Variants in PDE4B observed in about 807,000 individuals in gnomAD.
PDE4B encodes 3',5'-cyclic-AMP phosphodiesterase 4B.
PDE4B carries 20 observed loss-of-function variants against 82.2 expected under a neutral mutation model. The observed-to-expected ratio is 0.24, with a 90% CI of 0.17 to 0.35. The LOEUF is 0.35. PDE4B is among the 10% of genes least tolerant of loss of function. The pLI, the probability that PDE4B is intolerant of heterozygous loss-of-function variation, is 1.00. For missense variants in PDE4B, 655 were observed against 907.2 expected, an observed-to-expected ratio of 0.72 and a Z score of 3.57; for synonymous variants, 320 against 318.9, an observed-to-expected ratio of 1.00 and a Z score of -0.04.
Position 66,363,102 on chromosome 1 carries a change from TAA to T in PDE4B, c.1021-60_1021-59del, listed in dbSNP as rs1041238086. Reference sequence around the variant, plus strand: ...AACAGCCAATGTCCAAAAAATAAATTAAAAAAATGAGGCATGTTAGCACAACT... The same window carrying T: ...AACAGCCAATGTCCAAAAAATAAATTAAAAATGAGGCATGTTAGCACAACT... On this transcript the variant is annotated intron_variant, in intron 10 of 16. Coordinates refer to ENST00000341517, the MANE Select transcript of PDE4B (RefSeq NM_002600.4). 3.7e-6 allele frequency: 4 copies of T among 1,093,046 alleles called. No individual in the cohort carries two copies. In the South Asian group the frequency reaches 5.3e-5, roughly 15 times the overall value. The allele number at this position is 1,093,046 out of a possible 1,614,324, so 67.7% of individuals were successfully genotyped here. A position where few individuals can be genotyped will look rare whatever the true frequency, so the allele number is the denominator to read the frequency against.
chr1:65,890,475 G>T (rs531621477), intron 1 of PDE4B, among the ~76,000 whole-genome samples: 2 of 152,198 alleles, frequency 1.3e-5, no homozygotes, highest in South Asian at 4.1e-4. Context: ...GTGGTAACTT[G>T]AATATCCAGA....
intron 8 of PDE4B, among the ~76,000 whole-genome samples, chr1:66,333,414 A>T (rs985921119): frequency 6.6e-6 from 1 of 152,232 alleles, no homozygotes; most frequent in Admixed American, 6.5e-5. Flanking sequence ...CTTGGAGAAT[A>T]TTATATTAAA....
At chr1:66,243,213 A>G (rs542827966) in intron 3 of PDE4B, among the ~76,000 whole-genome samples, 1 of 152,354 alleles carries the variant, frequency 6.6e-6, no homozygotes, top group Non-Finnish European at 1.5e-5. Flanking sequence ...ATCTCTGTAG[A>G]TTCATTTAAA....
chr1:66,083,531 A>C (rs6671380), intron 3 of PDE4B, among the ~76,000 whole-genome samples: 114,144 of 151,918 alleles, frequency 0.75, 43,770 homozygotes, highest in Non-Finnish European at 0.84. Flanking sequence ...ACCTTATTAT[A>C]CTGATTTACA....
intron 3 of PDE4B, among the ~76,000 whole-genome samples, chr1:65,924,790 C>A (rs1471565237): frequency 1.3e-5 from 2 of 152,182 alleles, no homozygotes; most frequent in Non-Finnish European, 2.9e-5. Flanking sequence ...CAGTTCCTTG[C>A]CATGTGGGTC....
At position 65,918,652 on chromosome 1, in the gene PDE4B, A is replaced by G; in HGVS notation, c.98A>G (p.Asn33Ser). 1 of 1,613,732 alleles carries G rather than the reference A, an allele frequency of 6.2e-7. No homozygotes were observed. The highest frequency in any genetic ancestry group is 2.2e-5 in the East Asian group (1 of 44,880). Reference protein sequence around the residue: ...SLSKSYSSSSNTLGIDLWRGR... With the variant: ...SLSKSYSSSSSTLGIDLWRGR... ...AGTAAATCCTACAGTTCTTCCAGTA[A>G]CACACTTGGGATCGACCTCTGGAGA... The change falls in exon 3 of 17, where the codon AAC becomes AGC. Residue 33 changes from asparagine to serine, a missense_variant. Coordinates refer to ENST00000341517, the MANE Select transcript of PDE4B (RefSeq NM_002600.4).
intron 3 of PDE4B, among the ~76,000 whole-genome samples, chr1:66,122,448 T>G (rs1183924500): frequency 6.6e-6 from 1 of 152,208 alleles, no homozygotes; most frequent in Admixed American, 6.5e-5. Flanking sequence ...TTAAAAAGAT[T>G]TTTTGTTATT....
At chr1:65,841,883 A>G (rs1571002367) in intron 1 of PDE4B, among the ~76,000 whole-genome samples, 1 of 152,172 alleles carries the variant, frequency 6.6e-6, no homozygotes, top group African/African-American at 2.4e-5. Flanking sequence ...GAATAATTAA[A>G]CCGTCAAGCA....
chr1:65,955,790 G>C (rs7539615), intron 3 of PDE4B, among the ~76,000 whole-genome samples: 3 of 152,058 alleles, frequency 2.0e-5, no homozygotes, highest in Non-Finnish European at 4.4e-5. Flanking sequence ...ATAGGGTTAC[G>C]TGCTGTTCTC....
chr1:66,017,311 T>C (rs1488997805), intron 3 of PDE4B, among the ~76,000 whole-genome samples: 1 of 152,138 alleles, frequency 6.6e-6, no homozygotes, highest in African/African-American at 2.4e-5. Context: ...TAAAATGAGA[T>C]TGGAAGAAGA....
At chr1:66,158,383 A>C (rs1169573652) in intron 3 of PDE4B, among the ~76,000 whole-genome samples, 1 of 152,204 alleles carries the variant, frequency 6.6e-6, no homozygotes, top group African/African-American at 2.4e-5. Flanking sequence ...CTGAATAGAC[A>C]TGTAAATGAG....
At chr1:66,211,869 A>T (rs1650078538) in intron 3 of PDE4B, among the ~76,000 whole-genome samples, 1 of 152,208 alleles carries the variant, frequency 6.6e-6, no homozygotes, top group Non-Finnish European at 1.5e-5. Flanking sequence ...CCTGCATCCC[A>T]GCTGGCGGAT....
intron 1 of PDE4B, among the ~76,000 whole-genome samples, chr1:65,882,442 C>T (rs544837211): frequency 6.6e-6 from 1 of 152,248 alleles, no homozygotes; most frequent in East Asian, 1.9e-4. Context: ...AGTCTTCTCA[C>T]AGAAGTGTAA....
chr1:66,183,207 C>G (rs1360170105), intron 3 of PDE4B, among the ~76,000 whole-genome samples: 1 of 152,100 alleles, frequency 6.6e-6, no homozygotes, highest in Non-Finnish European at 1.5e-5. Flanking sequence ...GATAGGAACA[C>G]AGAGTAGAAT....
At chr1:66,161,503 C>T (rs905412859) in intron 3 of PDE4B, among the ~76,000 whole-genome samples, 1 of 151,974 alleles carries the variant, frequency 6.6e-6, no homozygotes, top group African/African-American at 2.4e-5. Flanking sequence ...CACAGGTGCT[C>T]TAATTATTTT....
At chr1:66,170,619 AT>A (rs1451018602) in intron 3 of PDE4B, among the ~76,000 whole-genome samples, 1 of 152,178 alleles carries the variant, frequency 6.6e-6, no homozygotes, top group African/African-American at 2.4e-5. Flanking sequence ...CTAGATATAT[AT>A]TTTTGTGTGG....
chr1:65,992,194 TA>T (rs1258207951), intron 3 of PDE4B, among the ~76,000 whole-genome samples: 1 of 152,202 alleles, frequency 6.6e-6, no homozygotes, highest in East Asian at 1.9e-4. Flanking sequence ...TTCAGAAGGC[TA>T]TTTTAGCTAG....
At chr1:65,920,303 C>A (rs1647213099) in intron 3 of PDE4B, among the ~76,000 whole-genome samples, 1 of 152,200 alleles carries the variant, frequency 6.6e-6, no homozygotes, top group Admixed American at 6.5e-5. Flanking sequence ...TCTCCTGAAG[C>A]CTCTAGAATT....
chr1:66,188,375 A>G (rs1217702190), intron 3 of PDE4B, among the ~76,000 whole-genome samples: 1 of 151,470 alleles, frequency 6.6e-6, no homozygotes, highest in Non-Finnish European at 1.5e-5. Context: ...GCTGAATTCA[A>G]TTCCTGGGTA....
Sources: gnomAD v4.1 joint callset for allele counts (sites outside exome capture counted in the v4.1 genomes callset) on GRCh38, gnomAD v4.1.1 for gene constraint, MANE v1.5 for transcripts, NCBI Gene and HGNC (gene_info 2026-07-23, HGNC 2026-07-21) for gene names.